The following LRP1B variants were observed in gnomAD, a reference collection of about 807,000 sequenced individuals.
LRP1B encodes the protein low-density lipoprotein receptor-related protein 1B.
In LRP1B, 217 loss-of-function variants were observed where a neutral mutation model predicts 556.6. The observed-to-expected ratio is 0.39, with a 90% CI of 0.35 to 0.44. LRP1B has a LOEUF of 0.44. LRP1B is among the 20% of genes least tolerant of loss of function. The pLI is 1.00. For missense variants in LRP1B, 5,053 were observed against 5,620.8 expected (o/e 0.90, Z 3.23); for synonymous variants, 2,047 against 1,865.8 (o/e 1.10, Z -2.50).
intron 7 of LRP1B, among the ~76,000 whole-genome samples, chr2:141,091,710 G>A (rs536185993): frequency 1.3e-5 from 2 of 152,256 alleles, no homozygotes; most frequent in African/African-American, 4.8e-5. Flanking sequence ...AAGGAAGTTG[G>A]AAAATGAATG....
chr2:140,904,728 C>G (rs929978397), intron 22 of LRP1B, among the ~76,000 whole-genome samples: 2 of 152,028 alleles, frequency 1.3e-5, no homozygotes, highest in African/African-American at 2.4e-5. Flanking sequence ...TTTGTTCACC[C>G]ATAATCATAA....
chr2:141,019,881 T>C (rs562628587), intron 12 of LRP1B, 41 bp downstream of exon 12: 2 of 1,366,810 alleles, frequency 1.5e-6, no homozygotes, highest in South Asian at 3.0e-5. Flanking sequence ...AATTTATCTA[T>C]TATCATTTTT....
At chr2:141,798,770 G>C (rs188003149) in intron 2 of LRP1B, among the ~76,000 whole-genome samples, 52 of 151,610 alleles carry the variant, frequency 3.4e-4, no homozygotes, top group African/African-American at 1.1e-3. Context: ...TGTGTTATGG[G>C]CTGAATTGGT....
At chr2:140,703,193 C>T (rs1361189981) in intron 37 of LRP1B, among the ~76,000 whole-genome samples, 1 of 151,976 alleles carries the variant, frequency 6.6e-6, no homozygotes, top group African/African-American at 2.4e-5. Context: ...TTTATGTTAT[C>T]TTGTGAAGTC....
chr2:141,919,881 T>C (rs553368347), intron 1 of LRP1B, among the ~76,000 whole-genome samples: 3 of 152,168 alleles, frequency 2.0e-5, no homozygotes, highest in South Asian at 4.1e-4. Context: ...CTTAGAAATA[T>C]AACTAGTTCA....
At chr2:141,102,344 A>T (rs1490371707) in intron 7 of LRP1B, among the ~76,000 whole-genome samples, 1 of 152,186 alleles carries the variant, frequency 6.6e-6, no homozygotes, top group Non-Finnish European at 1.5e-5. Context: ...TGTACAGGTC[A>T]TACTATGAGC....
intron 41 of LRP1B, among the ~76,000 whole-genome samples, chr2:140,610,504 C>G (rs1683032142): frequency 6.6e-6 from 1 of 152,208 alleles, no homozygotes. Flanking sequence ...CTGGTTTCAG[C>G]TAATAGCTTT....
intron 1 of LRP1B, among the ~76,000 whole-genome samples, chr2:141,841,673 A>G (rs1697476704): frequency 1.3e-5 from 2 of 152,234 alleles, no homozygotes; most frequent in South Asian, 4.1e-4. Flanking sequence ...AGCAACAACC[A>G]AAACTTCAGC....
intron 60 of LRP1B, among the ~76,000 whole-genome samples, chr2:140,468,633 G>GC (rs1481345032): frequency 1.3e-5 from 2 of 152,174 alleles, no homozygotes; most frequent in African/African-American, 2.4e-5. Context: ...ATGGAGGCAG[G>GC]CCCCCCTGGA....
chr2:140,274,258 CAAATT>C (rs1236233113), intron 85 of LRP1B, among the ~76,000 whole-genome samples, 161 bp downstream of exon 85: 1 of 151,906 alleles, frequency 6.6e-6, no homozygotes, highest in African/African-American at 2.4e-5. Flanking sequence ...AAGTTCAGGT[CAAATT>C]AAAGTGAACT....
intron 64 of LRP1B, 51 bp from the exon 65 acceptor site, chr2:140,444,500 C>A (rs765117380): frequency 6.2e-7 from 1 of 1,612,664 alleles, no homozygotes; most frequent in Admixed American, 1.7e-5. Context: ...GAATTAAAAT[C>A]ACACAGACAT....
chr2:142,003,985 A>G (rs1702732643), intron 1 of LRP1B, among the ~76,000 whole-genome samples: 1 of 152,204 alleles, frequency 6.6e-6, no homozygotes, highest in South Asian at 2.1e-4. Flanking sequence ...CAAAGACTCC[A>G]TGAAATAGTA....
chr2:141,201,907 T>C (rs1309024609), intron 6 of LRP1B, among the ~76,000 whole-genome samples: 1 of 152,182 alleles, frequency 6.6e-6, no homozygotes, highest in Admixed American at 6.5e-5. Context: ...TGACCAAATA[T>C]TTGTGAGATG....
chr2:141,317,206 A>C lies in LRP1B; in HGVS notation c.344-62565T>G, dbSNP rs1687066439. On this transcript the variant is annotated intron_variant, in intron 3 of 90. Coordinates refer to ENST00000389484, the MANE Select transcript of LRP1B (RefSeq NM_018557.3). ...TTATTGCTATATTGGATAAACTTTG[A>C]TTTTTAATAGTGTTTCTGTGTTAGT... Among the ~76,000 whole-genome samples the C allele has an allele frequency of 2.0e-5, 3 of 152,202 alleles. No individual in the cohort carries two copies. In the South Asian group the frequency reaches 6.2e-4, roughly 31 times the overall value.
At chr2:141,475,413 G>C (rs1249762588) in intron 3 of LRP1B, among the ~76,000 whole-genome samples, 1 of 152,054 alleles carries the variant, frequency 6.6e-6, no homozygotes, top group Non-Finnish European at 1.5e-5. Flanking sequence ...TAATCTAACA[G>C]GGATGTGAAT....
At chr2:140,529,251 C>T (rs1019816504) in intron 47 of LRP1B, among the ~76,000 whole-genome samples, 1 of 152,040 alleles carries the variant, frequency 6.6e-6, no homozygotes, top group African/African-American at 2.4e-5. Flanking sequence ...CTCTAATATA[C>T]TTTAATTTTA....
At chr2:141,688,649 G>A (rs866357503) in intron 2 of LRP1B, among the ~76,000 whole-genome samples, 4 of 151,874 alleles carry the variant, frequency 2.6e-5, no homozygotes, top group Non-Finnish European at 2.9e-5. Context: ...CAATTGGTAA[G>A]TAGTTGAGAA....
intron 3 of LRP1B, among the ~76,000 whole-genome samples, chr2:141,316,168 G>A (rs1467832616): frequency 6.6e-6 from 1 of 151,964 alleles, no homozygotes; most frequent in African/African-American, 2.4e-5. Context: ...ATCTTCTCCT[G>A]TCTTGGATAG....
In LRP1B at chr2:140,270,302, C is replaced by T. The variant is rs2104943909; in HGVS notation, c.13187G>A (p.Gly4396Asp). 2 of 1,612,070 alleles carry T rather than the reference C, an allele frequency of 1.2e-6. No individual in the cohort carries two copies. Among genetic ancestry groups the T allele is most frequent in the Non-Finnish European group, 1.7e-6 (2 of 1,178,680 alleles). ...GCATGTGCCACCATTGTAACAGTAG[C>T]CATCACATAACTGACAGCTAGAGGC... is the stretch of plus-strand genomic sequence containing the variant. Reference protein sequence around the residue: ...KIASSCQLCDGYCYNGGTCQL... With the variant: ...KIASSCQLCDDYCYNGGTCQL... The change falls in exon 86 of 91, where the codon GGC becomes GAC. Residue 4396 changes from glycine to aspartate, a missense_variant. Gly to Asp is a moderately conservative substitution (Grantham distance 94). Coordinates refer to ENST00000389484, the MANE Select transcript of LRP1B (RefSeq NM_018557.3).
Sources: allele counts gnomAD v4.1 joint callset (sites outside exome capture counted in the v4.1 genomes callset), GRCh38; gene constraint gnomAD v4.1.1; transcripts MANE v1.5; gene names NCBI Gene and HGNC (gene_info 2026-07-23, HGNC 2026-07-21).